Variants in CNTNAP2 observed in about 807,000 individuals in gnomAD.
CNTNAP2 encodes the protein contactin associated protein 2, also known as contactin-associated protein-like 2.
CNTNAP2 carries 98 observed loss-of-function variants against 155.2 expected under a neutral mutation model. The ratio of observed to expected loss-of-function variants is 0.63; its 90% CI spans 0.54 to 0.75. The LOEUF (loss-of-function observed/expected upper bound fraction) is 0.75, where lower values mean the gene tolerates loss of function less well. Among genes scored for constraint, CNTNAP2 ranks in the 30% least tolerant of loss-of-function variants. The pLI, the probability that CNTNAP2 is intolerant of heterozygous loss-of-function variation, is 0.00. For missense variants in CNTNAP2, 1,727 were observed against 1,688.1 expected (o/e 1.02, Z -0.40); for synonymous variants, 651 against 631.2 (o/e 1.03, Z -0.47).
intron 2 of CNTNAP2, among the ~76,000 whole-genome samples, chr7:146,837,180 A>G (rs1246724722): frequency 6.6e-6 from 1 of 151,806 alleles, no homozygotes; most frequent in East Asian, 1.9e-4. Flanking sequence ...TGCTTGTAGT[A>G]CTCCACTTGC....
chr7:146,561,178 G>T (rs896120754), intron 1 of CNTNAP2, among the ~76,000 whole-genome samples: 4 of 152,006 alleles, frequency 2.6e-5, no homozygotes, highest in Non-Finnish European at 4.4e-5. Context: ...TTTAATGATA[G>T]AAAATTGTGT....
chr7:147,689,479 A>G (rs546191379), intron 13 of CNTNAP2, among the ~76,000 whole-genome samples: 33 of 152,238 alleles, frequency 2.2e-4, no homozygotes, highest in Non-Finnish European at 3.8e-4. Flanking sequence ...CTCTCATATA[A>G]TTAAAGAAAT....
intron 15 of CNTNAP2, among the ~76,000 whole-genome samples, chr7:148,098,426 G>A (rs907909613): frequency 8.4e-6 from 1 of 118,596 alleles, no homozygotes; most frequent in Admixed American, 1.1e-4. Flanking sequence ...CTTGGTGACA[G>A]AGCGAGACTC....
chr7:146,718,117 T>A (rs1801223207), intron 1 of CNTNAP2, among the ~76,000 whole-genome samples: 1 of 152,152 alleles, frequency 6.6e-6, no homozygotes, highest in South Asian at 2.1e-4. Context: ...GGTGTTCTTT[T>A]AATATTCTAT....
chr7:147,592,089 T>G (rs929103044), intron 12 of CNTNAP2, among the ~76,000 whole-genome samples: 3 of 152,192 alleles, frequency 2.0e-5, no homozygotes, highest in Non-Finnish European at 1.5e-5. Flanking sequence ...GGATAATTAT[T>G]TCTGCCTTGG....
chr7:147,580,571 A>C (rs1052539199), intron 12 of CNTNAP2, among the ~76,000 whole-genome samples: 1 of 146,560 alleles, frequency 6.8e-6, no homozygotes. Context: ...ATTGCTGTCT[A>C]TTTCCATCGG....
chr7:146,127,520 G>A (rs560362833), intron 1 of CNTNAP2, among the ~76,000 whole-genome samples: 1 of 152,290 alleles, frequency 6.6e-6, no homozygotes, highest in African/African-American at 2.4e-5. Context: ...ATAAGTAAAT[G>A]TGTATCTATC....
At chr7:147,754,015 A>G (rs1387685421) in intron 13 of CNTNAP2, among the ~76,000 whole-genome samples, 3 of 152,170 alleles carry the variant, frequency 2.0e-5, no homozygotes, top group Non-Finnish European at 2.9e-5. Flanking sequence ...TGCAGCCCTA[A>G]GTACCACTGC....
At chr7:148,142,115 G>T (rs1198348871) in intron 16 of CNTNAP2, among the ~76,000 whole-genome samples, 1 of 151,532 alleles carries the variant, frequency 6.6e-6, no homozygotes, top group Non-Finnish European at 1.5e-5. Context: ...GTGTGTGTGT[G>T]TGTGTGTGTG....
chr7:148,383,157 T>TGTTCAC (rs1347811600), intron 21 of CNTNAP2, among the ~76,000 whole-genome samples: 1 of 151,824 alleles, frequency 6.6e-6, no homozygotes, highest in African/African-American at 2.4e-5. Context: ...AGAAAGGAGA[T>TGTTCAC]GTTCACGTAC....
intron 17 of CNTNAP2, among the ~76,000 whole-genome samples, chr7:148,151,758 C>T (rs993687624): frequency 5.5e-4 from 83 of 152,156 alleles, no homozygotes; most frequent in African/African-American, 1.9e-3. Flanking sequence ...GAAATGTGAT[C>T]ACTTCCACTC....
chr7:147,516,069 GCAGAGATAAGAGACTTA>G (rs1161244118), intron 11 of CNTNAP2, among the ~76,000 whole-genome samples: 7 of 152,124 alleles, frequency 4.6e-5, no homozygotes, highest in African/African-American at 9.7e-5. Flanking sequence ...TGCTATTATA[GCAGAGATAAGAGACTTA>G]CAAAATCTAG....
chr7:148,088,041 C>T (rs76231247), intron 15 of CNTNAP2, among the ~76,000 whole-genome samples: 10,362 of 152,016 alleles, frequency 0.068, 405 homozygotes, highest in South Asian at 0.18. Context: ...ATTTCTTATG[C>T]CTAGTTCTGT....
At chr7:146,555,358 T>C (rs1263502586) in intron 1 of CNTNAP2, among the ~76,000 whole-genome samples, 1 of 151,924 alleles carries the variant, frequency 6.6e-6, no homozygotes, top group Non-Finnish European at 1.5e-5. Flanking sequence ...ATTATCTATC[T>C]AATCTAATCT....
intron 3 of CNTNAP2, among the ~76,000 whole-genome samples, chr7:146,997,848 A>G (rs1028985163): frequency 6.6e-6 from 1 of 152,026 alleles, no homozygotes; most frequent in Non-Finnish European, 1.5e-5. Flanking sequence ...AATTGTTCAT[A>G]ATGTTCTCTT....
At chr7:146,901,482 A>G (rs1795999401) in intron 3 of CNTNAP2, among the ~76,000 whole-genome samples, 1 of 152,216 alleles carries the variant, frequency 6.6e-6, no homozygotes, top group African/African-American at 2.4e-5. Flanking sequence ...CAATGTTCTA[A>G]ATAATGGAAC....
intron 3 of CNTNAP2, among the ~76,000 whole-genome samples, chr7:146,878,192 AT>A (rs939170037): frequency 3.9e-5 from 6 of 152,004 alleles, no homozygotes; most frequent in Admixed American, 1.3e-4. Flanking sequence ...CACTCTCCAC[AT>A]TTTTTACCAT....
At position 146,246,554 on chromosome 7, in the gene CNTNAP2, G is replaced by A. The variant is rs930374855; in HGVS notation, c.97+129581G>A. Among the ~76,000 whole-genome samples the A allele has an allele frequency of 6.0e-5, 9 of 150,906 alleles. No individual in the cohort carries two copies. The East Asian group carries it at 9.7e-4, about 16-fold the overall frequency. On this transcript the variant is annotated intron_variant, in intron 1 of 23. Transcript: ENST00000361727. ...GGTAGCCTCAGTATTGATTAAGAAG[G>A]GGACAGACTTACCCTCCACTGTGAG... is the stretch of plus-strand genomic sequence containing the variant.
intron 1 of CNTNAP2, among the ~76,000 whole-genome samples, chr7:146,630,976 A>G (rs1335776307): frequency 6.6e-6 from 1 of 152,164 alleles, no homozygotes; most frequent in Non-Finnish European, 1.5e-5. Flanking sequence ...GAAAATGGCC[A>G]TACTGCCCAA....
Sources: gnomAD v4.1 joint callset for allele counts (sites outside exome capture counted in the v4.1 genomes callset) on GRCh38, gnomAD v4.1.1 for gene constraint, MANE v1.5 for transcripts, NCBI Gene and HGNC (gene_info 2026-07-23, HGNC 2026-07-21) for gene names.